The following RPS6KC1 variants were observed in gnomAD, a reference collection of about 807,000 sequenced individuals.
RPS6KC1 encodes the protein ribosomal protein S6 kinase C1.
RPS6KC1 carries 54 observed loss-of-function variants against 103.8 expected under a neutral mutation model. The observed-to-expected ratio is 0.52, with a 90% CI of 0.42 to 0.65. The LOEUF (loss-of-function observed/expected upper bound fraction) is 0.65, where lower values mean the gene tolerates loss of function less well. Ranked by LOEUF, RPS6KC1 falls within the 30% of genes least tolerant of loss-of-function variation. The probability of loss-of-function intolerance (pLI) is 0.00; values close to 1 mark genes in which losing one functional copy is unlikely to be tolerated. For missense variants in RPS6KC1, 1,151 were observed against 1,253.8 expected (o/e 0.92, Z 1.24); for synonymous variants, 439 against 438.7 (o/e 1.00, Z -0.01).
At chr1:213,505,443 T>G in the RPS6KC1 span, among the ~76,000 whole-genome samples, 11 of 152,232 alleles carry the variant, frequency 7.2e-5, no homozygotes, top group Non-Finnish European at 1.5e-4. Context: ...ACGTGCCAGC[T>G]ATATGACCTT....
chr1:213,259,405 CA>C (rs56078718), intron 12 of RPS6KC1, among the ~76,000 whole-genome samples: 148,701 of 152,154 alleles, frequency 0.98, 72,763 homozygotes, highest in East Asian at 1. Context: ...ACTAAAAATA[CA>C]AAAAAAATTA....
At chr1:213,169,921 A>G (rs1267216953) in intron 7 of RPS6KC1, among the ~76,000 whole-genome samples, 2 of 151,716 alleles carry the variant, frequency 1.3e-5, no homozygotes, top group African/African-American at 4.8e-5. Context: ...AGCTGGGACT[A>G]CAGGCGCATG....
the RPS6KC1 span, among the ~76,000 whole-genome samples, chr1:213,602,064 T>TTCTTTCTTTC: frequency 4.8e-5 from 3 of 62,806 alleles, no homozygotes; most frequent in African/African-American, 7.1e-5. Context: ...TTCTCTTTCT[T>TTCTTTCTTTC]TCTTTCTTTC....
chr1:213,078,715 C>G (rs2079580041), intron 3 of RPS6KC1, among the ~76,000 whole-genome samples: 1 of 152,138 alleles, frequency 6.6e-6, no homozygotes, highest in Admixed American at 6.5e-5. Flanking sequence ...AACATTTTAT[C>G]CTATTACTTT....
At position 213,171,222 on chromosome 1, in the gene RPS6KC1, TAC is replaced by T. The variant is rs200009190; in HGVS notation, c.951+3250_951+3251del. ...ACAGAAAGGAAAAAAAGCACTCTCT[TAC>T]TCTTTTTCTTCATTGCTTCATTACT... is the stretch of plus-strand genomic sequence containing the variant. On this transcript the variant is annotated intron_variant, in intron 7 of 14. Coordinates refer to ENST00000366960, the MANE Select transcript of RPS6KC1 (RefSeq NM_012424.6). 4.4e-3 allele frequency among the ~76,000 whole-genome samples: 674 copies of T among 152,234 alleles called. 4 individuals are homozygous for T. The highest frequency in any genetic ancestry group is 0.016 in the African/African-American group (650 of 41,564).
the RPS6KC1 span, among the ~76,000 whole-genome samples, chr1:213,573,706 A>T: frequency 0.23 from 35,671 of 152,212 alleles, 4,354 homozygotes; most frequent in East Asian, 0.4. Context: ...GATATCAAGA[A>T]GTGCTTCTGT....
chr1:213,843,609 AAGCATGGGC>A, the RPS6KC1 span: 15 of 152,314 alleles, frequency 9.8e-5, no homozygotes, highest in Non-Finnish European at 1.5e-4. Flanking sequence ...AATTTTAGAA[AAGCATGGGC>A]CAACACAGTT....
chr1:213,212,247 A>G (rs985742330), intron 8 of RPS6KC1, among the ~76,000 whole-genome samples: 3 of 152,046 alleles, frequency 2.0e-5, no homozygotes, highest in African/African-American at 7.2e-5. Flanking sequence ...TTCCCTGCCA[A>G]CATGTGGTAA....
chr1:213,423,529 G>C, the RPS6KC1 span, among the ~76,000 whole-genome samples: 1 of 152,198 alleles, frequency 6.6e-6, no homozygotes, highest in Admixed American at 6.5e-5. Context: ...GTGGCTTTGG[G>C]GGGTGAGGAT....
At chr1:213,413,293 T>A in the RPS6KC1 span, among the ~76,000 whole-genome samples, 5 of 152,250 alleles carry the variant, frequency 3.3e-5, no homozygotes, top group Admixed American at 2.6e-4. Context: ...TTTTGAGTTA[T>A]CTTGAAATAT....
chr1:213,826,029 A>G, the RPS6KC1 span, among the ~76,000 whole-genome samples: 1 of 152,226 alleles, frequency 6.6e-6, no homozygotes, highest in African/African-American at 2.4e-5. Flanking sequence ...ATGACAGATG[A>G]TCGTCTTATT....
chr1:213,388,093 C>T, the RPS6KC1 span, among the ~76,000 whole-genome samples: 1 of 152,278 alleles, frequency 6.6e-6, no homozygotes, highest in Non-Finnish European at 1.5e-5. Flanking sequence ...GGGCATTCTC[C>T]TTCCTCTTGG....
At chr1:213,306,614 G>GTT in the RPS6KC1 span, among the ~76,000 whole-genome samples, 1 of 152,236 alleles carries the variant, frequency 6.6e-6, no homozygotes, top group Non-Finnish European at 1.5e-5. Context: ...AAGGGAGAAT[G>GTT]TTATGATTTA....
At chr1:213,781,114 A>G in the RPS6KC1 span, among the ~76,000 whole-genome samples, 4 of 152,212 alleles carry the variant, frequency 2.6e-5, no homozygotes, top group Non-Finnish European at 4.4e-5. Context: ...CGTGGAAACC[A>G]ATAGTGCAGA....
chr1:213,487,545 C>T, the RPS6KC1 span, among the ~76,000 whole-genome samples: 1 of 151,982 alleles, frequency 6.6e-6, no homozygotes, highest in South Asian at 2.1e-4. Flanking sequence ...TAGCTCACAA[C>T]TCTTCAATTC....
the RPS6KC1 span, among the ~76,000 whole-genome samples, chr1:213,286,774 A>C: frequency 3.1e-4 from 47 of 152,354 alleles, no homozygotes; most frequent in East Asian, 8.9e-3. Flanking sequence ...GATCACAAAA[A>C]GACAATCAGA....
At chr1:213,785,728 T>G in the RPS6KC1 span, among the ~76,000 whole-genome samples, 5 of 152,182 alleles carry the variant, frequency 3.3e-5, no homozygotes, top group African/African-American at 1.2e-4. Context: ...GTTTATAGCC[T>G]AGTTTTCATT....
In RPS6KC1 at chr1:213,146,525, C is replaced by T. The variant is rs565839030; in HGVS notation, c.835+16636C>T. Reference sequence around the variant, plus strand: ...GCAACCTCCACCTCCTGGGTTCAAACAGTTCTCCTGCTCATCCTCCTGAGT... The same window carrying T: ...GCAACCTCCACCTCCTGGGTTCAAATAGTTCTCCTGCTCATCCTCCTGAGT... On this transcript the variant is annotated intron_variant, in intron 6 of 14. Coordinates refer to ENST00000366960, the MANE Select transcript of RPS6KC1 (RefSeq NM_012424.6). Among the ~76,000 whole-genome samples, 47 of 151,220 alleles carry T rather than the reference C, an allele frequency of 3.1e-4. 1 individual carries two copies. The highest frequency in any genetic ancestry group is 3.4e-3 in the Middle Eastern group (1 of 292).
chr1:213,574,256 C>T, the RPS6KC1 span, among the ~76,000 whole-genome samples: 4 of 152,194 alleles, frequency 2.6e-5, no homozygotes, highest in South Asian at 2.1e-4. Flanking sequence ...GCCCTCTTGC[C>T]GTTTATTTCT....
Sources: gnomAD v4.1 joint callset for allele counts (sites outside exome capture counted in the v4.1 genomes callset) on GRCh38, gnomAD v4.1.1 for gene constraint, MANE v1.5 for transcripts, NCBI Gene and HGNC (gene_info 2026-07-23, HGNC 2026-07-21) for gene names.